Variants in EPAS1 observed in about 807,000 individuals in gnomAD.
The protein encoded by EPAS1 is endothelial PAS domain-containing protein 1.
A neutral mutation model predicts 87.9 loss-of-function variants in EPAS1; 23 were observed. The ratio of observed to expected loss-of-function variants is 0.26; its 90% CI spans 0.19 to 0.37. The LOEUF (loss-of-function observed/expected upper bound fraction) is 0.37. Ranked by LOEUF, EPAS1 falls within the 10% of genes least tolerant of loss-of-function variation. The probability of loss-of-function intolerance (pLI) is 1.00; values close to 1 mark genes in which losing one functional copy is unlikely to be tolerated. For missense variants in EPAS1, 1,138 were observed against 1,120.7 expected (o/e 1.02, Z -0.22); for synonymous variants, 508 against 444.3 (o/e 1.14, Z -1.80).
rs1234351879 is a variant in EPAS1 at position 46,375,644 on chromosome 2, C to A, written c.887-46C>A. 2 of 1,600,300 alleles carry A rather than the reference C, an allele frequency of 1.2e-6. No individual in the cohort carries two copies. Among genetic ancestry groups the A allele is most frequent in the East Asian group, 2.3e-5 (1 of 44,140 alleles). ...CGATCTGCTGAGCCTGTGGTGCACACCCCTGCCCCACCTCCCTAAGCTCAG... is the reference window on the plus strand; with the variant it reads ...CGATCTGCTGAGCCTGTGGTGCACAACCCTGCCCCACCTCCCTAAGCTCAG... On this transcript the variant is annotated intron_variant, in intron 7 of 15. Coordinates refer to ENST00000263734, the MANE Select transcript of EPAS1 (RefSeq NM_001430.5). The surrounding 1 kb of genome is among the most constrained non-coding windows in gnomAD (Gnocchi z 4.1).
At chr2:46,349,455 G>A (rs977282112) in intron 2 of EPAS1, among the ~76,000 whole-genome samples, 3 of 152,206 alleles carry the variant, frequency 2.0e-5, no homozygotes, top group Non-Finnish European at 4.4e-5. Flanking sequence ...TGGCCACAGT[G>A]GGACATCCCA....
rs931339504 is a variant in EPAS1 at position 46,375,042 on chromosome 2, C to T, written c.887-648C>T. ...AACTGAGAAAGGGTGGGGTGGTTTG[C>T]CTCTGCCTTTGCTGTGGGTCACAAA... is the stretch of plus-strand genomic sequence containing the variant. On this transcript the variant is annotated intron_variant, in intron 7 of 15. Transcript: ENST00000263734. The surrounding 1 kb of genome is among the most constrained non-coding windows in gnomAD (Gnocchi z 4.1). Among the ~76,000 whole-genome samples the T allele has an allele frequency of 2.0e-5, 3 of 152,112 alleles. No individual in the cohort carries two copies. The highest frequency in any genetic ancestry group is 4.4e-5 in the Non-Finnish European group (3 of 68,008).
Position 46,375,796 on chromosome 2 carries a change from C to T in EPAS1, c.993C>T (p.Asn331=), listed in dbSNP as rs200678705. 291 of 1,614,230 alleles carry T rather than the reference C, an allele frequency of 1.8e-4. 4 individuals are homozygous for T. Among genetic ancestry groups the T allele is most frequent in the South Asian group, 1.7e-3 (151 of 91,078 alleles). ...TQGTVIYNPR[N]LQPQCIMCVN... ...GGACGGTCATCTACAACCCTCGCAA[C>T]CTGCAGCCCCAGTGCATCATGTGTG... The change falls in exon 8 of 16, where the codon AAC becomes AAT. Residue 331 remains asparagine (N), a synonymous_variant. Transcript: ENST00000263734. This position sits in a 1 kb window ranked among gnomAD's most constrained non-coding sequence, Gnocchi z 4.1.
intron 1 of EPAS1, among the ~76,000 whole-genome samples, chr2:46,326,446 C>T (rs375344588): frequency 2.6e-5 from 4 of 152,034 alleles, no homozygotes; most frequent in South Asian, 2.1e-4. Flanking sequence ...GAGCCTCCCA[C>T]GTGACTGTAA....
intron 6 of EPAS1, among the ~76,000 whole-genome samples, chr2:46,369,229 C>G (rs1684570814): frequency 6.6e-6 from 1 of 152,180 alleles, no homozygotes; most frequent in African/African-American, 2.4e-5. Flanking sequence ...AGGTCACAGG[C>G]AGGACCTGCA....
chr2:46,378,550 T>A (rs1684809440), intron 10 of EPAS1, 107 bp from the exon 11 acceptor site: 1 of 899,918 alleles, frequency 1.1e-6, no homozygotes, highest in Non-Finnish European at 1.8e-6. Context: ...TGTGGTGGAA[T>A]GGAATTGAAC....
chr2:46,298,673 C>T (rs368664455), intron 1 of EPAS1, among the ~76,000 whole-genome samples: 16 of 152,246 alleles, frequency 1.1e-4, no homozygotes, highest in African/African-American at 3.1e-4. Flanking sequence ...CCGAAGAGGA[C>T]AGAGAAGGGC....
intron 1 of EPAS1, among the ~76,000 whole-genome samples, chr2:46,309,223 G>C (rs1230901655): frequency 6.6e-6 from 1 of 152,222 alleles, no homozygotes; most frequent in Non-Finnish European, 1.5e-5. Context: ...GCGTAGAGCA[G>C]GGTTTGTGGG....
intron 2 of EPAS1, among the ~76,000 whole-genome samples, chr2:46,352,914 A>G (rs187498964): frequency 9.2e-5 from 14 of 152,306 alleles, no homozygotes; most frequent in Admixed American, 8.5e-4. Context: ...CTGGAAGCAA[A>G]TGCACTGGGC....
rs1455956183 is a variant in EPAS1, at chr2:46,378,700, T to C, written c.1487T>C (p.Leu496Pro). ...EDYYTSLDND[L>P]KIEVIEKLFA... ...TATTACACATCTTTGGATAACGACC[T>C]GAAGATTGAAGTGATTGAGAAGCTC... Residue 496 changes from leucine (L) to proline (P), a missense_variant, in exon 11 of 16, where the codon CTG becomes CCG. Transcript: ENST00000263734. 2 of 1,614,178 alleles carry C rather than the reference T, an allele frequency of 1.2e-6. No homozygotes were observed. Among genetic ancestry groups the C allele is most frequent in the Non-Finnish European group, 8.5e-7 (1 of 1,180,006 alleles).
intron 6 of EPAS1, among the ~76,000 whole-genome samples, chr2:46,367,261 CGAAAG>C (rs1684522329): frequency 6.6e-6 from 1 of 152,204 alleles, no homozygotes; most frequent in South Asian, 2.1e-4. Context: ...ATTCTAATCT[CGAAAG>C]GAAATTTAAT....
rs562493354 is a variant in EPAS1 at position 46,300,141 on chromosome 2, G to C, written c.26+2204G>C. 8.6e-4 allele frequency among the ~76,000 whole-genome samples: 131 copies of C among 152,330 alleles called. No individual in the cohort carries two copies. Among genetic ancestry groups the C allele is most frequent in the African/African-American group, 3.0e-3 (124 of 41,582 alleles). The stretch of plus-strand genomic sequence containing the variant: ...TTACTTTTCGTGCCTGGGTCTGTTT[G>C]CTGGCTGCAGGCTTCTTTAGGGACC... On this transcript the variant is annotated intron_variant, in intron 1 of 15. Coordinates refer to ENST00000263734, the MANE Select transcript of EPAS1 (RefSeq NM_001430.5). This position sits in a 1 kb window ranked among gnomAD's most constrained non-coding sequence, Gnocchi z 4.1.
At chr2:46,312,524 T>G (rs1471961144) in intron 1 of EPAS1, among the ~76,000 whole-genome samples, 2 of 152,168 alleles carry the variant, frequency 1.3e-5, no homozygotes. Flanking sequence ...CTTTGAAAAG[T>G]TTAAAGGGCA....
At chr2:46,381,506 A>G in intron 12 of EPAS1, 90 bp from the exon 13 acceptor site, 1 of 1,604,578 alleles carries the variant, frequency 6.2e-7, no homozygotes, top group Non-Finnish European at 8.5e-7. Flanking sequence ...AGGCATCAGC[A>G]TTGGGACTGG....
Position 46,378,638 on chromosome 2 carries a change from C to T in EPAS1, c.1444-19C>T, listed in dbSNP as rs1684812387. ...AGTGCCATATCTTTGACTCTGTCCC[C>T]CTCCTTCCTGGCCCCTAGCCCAATA... On this transcript the variant is annotated intron_variant, in intron 10 of 15. Coordinates refer to ENST00000263734, the MANE Select transcript of EPAS1 (RefSeq NM_001430.5). 6.2e-7 allele frequency: 1 copy of T among 1,607,354 alleles called. No individual in the cohort carries two copies. The highest frequency in any genetic ancestry group is 2.2e-5 in the East Asian group (1 of 44,844).
chr2:46,354,848 T>C (rs1272383797), intron 2 of EPAS1, among the ~76,000 whole-genome samples: 1 of 152,134 alleles, frequency 6.6e-6, no homozygotes, highest in Non-Finnish European at 1.5e-5. Context: ...AAATGGATTC[T>C]CTTCTTCAGC....
intron 1 of EPAS1, among the ~76,000 whole-genome samples, chr2:46,309,880 A>G (rs1411482734): frequency 6.6e-6 from 1 of 152,196 alleles, no homozygotes; most frequent in African/African-American, 2.4e-5. Flanking sequence ...CTTCTGGCAC[A>G]TGAGAAGCTG....
At chr2:46,369,981 T>A (rs1572643259) in intron 7 of EPAS1, 48 bp downstream of exon 7, 7 of 1,384,054 alleles carry the variant, frequency 5.1e-6, no homozygotes, top group Non-Finnish European at 7.1e-6. Flanking sequence ...CTGTGGTATG[T>A]GGCCTTGAGT....
intron 1 of EPAS1, among the ~76,000 whole-genome samples, chr2:46,326,915 C>T (rs11694197): frequency 0.031 from 4,743 of 152,228 alleles, 126 homozygotes; most frequent in Non-Finnish European, 0.045. Flanking sequence ...GGTTCCAGTC[C>T]GAGATTTACC....
Sources: gnomAD v4.1 joint callset for allele counts (sites outside exome capture counted in the v4.1 genomes callset) on GRCh38, gnomAD v4.1.1 for gene constraint, Gnocchi (gnomAD v3.1) non-coding constraint, MANE v1.5 for transcripts, NCBI Gene and HGNC (gene_info 2026-07-23, HGNC 2026-07-21) for gene names.